TTN: variants seen among roughly 807,000 people sequenced by gnomAD.
TTN encodes connectin.
In TTN, 1,525 loss-of-function variants were observed where a neutral mutation model predicts 3,223.0. The observed-to-expected ratio is 0.47, with a 90% CI of 0.45 to 0.49. TTN has a LOEUF of 0.49. TTN is among the 20% of genes least tolerant of loss of function. The pLI, the probability that TTN is intolerant of heterozygous loss-of-function variation, is 0.00. For synonymous variants in TTN, 14,094 were observed against 15,161.0 expected, an observed-to-expected ratio of 0.93 and a Z score of 5.17; for missense variants, 40,786 against 43,424.0, an observed-to-expected ratio of 0.94 and a Z score of 5.40.
rs757475480 is a variant in TTN, at chr2:178,669,405, G to T, written c.35513C>A (p.Pro11838His). 1.3e-6 allele frequency: 2 copies of T among 1,521,352 alleles called. No homozygotes were observed. Among genetic ancestry groups the T allele is most frequent in the Non-Finnish European group, 1.7e-6 (2 of 1,146,910 alleles). The allele number at this position is 1,521,352 out of a possible 1,614,324, so 94.2% of individuals were successfully genotyped here. ...PKKSVQEEKS[P>H]IVISEDTEMY... ...CTCTGTGTCTTCAGAAATAACAATA[G>T]GTGATTTTTCTTCTTGAACACTTTT... Residue 11838 changes from proline (P) to histidine (H), a missense_variant, in exon 159 of 363, where the codon CCT becomes CAT. Transcript: ENST00000589042.
chr2:178,552,153 A>G lies in TTN; in HGVS notation c.90747T>C (p.Pro30249=), dbSNP rs765024828. ...TAATTTCTCCTCCTCCATTATCTTC[A>G]GGTACATCCCATGACAGGATGACAC... ...ADSVILSWDV[P]EDNGGGEITC... is the part of the protein sequence containing the mutation. The change falls in exon 335 of 363, where the codon CCT becomes CCC. Residue 30249 remains proline, a synonymous_variant. Transcript: ENST00000589042. 45 of 1,613,686 alleles carry G rather than the reference A, an allele frequency of 2.8e-5. No individual in the cohort carries two copies. Among genetic ancestry groups the G allele is most frequent in the Admixed American group, 5.0e-5 (3 of 59,972 alleles).
At position 178,738,146 on chromosome 2, in the gene TTN, C is replaced by T. The variant is rs773445915; in HGVS notation, c.14307G>A (p.Glu4769=). Residue 4769 remains glutamate (E), a synonymous_variant, in exon 49 of 363, where the codon GAG becomes GAA. Coordinates refer to ENST00000589042, the MANE Select transcript of TTN (RefSeq NM_001267550.2). ...ILRTQVVDCG[E]YTCKASNEYG... Reference sequence around the variant, plus strand: ...ACTCATTGGAAGCTTTGCATGTATACTCGCCGCAGTCAACCACCTGGGTTC... The same window carrying T: ...ACTCATTGGAAGCTTTGCATGTATATTCGCCGCAGTCAACCACCTGGGTTC... 10 of 1,613,804 alleles carry T rather than the reference C, an allele frequency of 6.2e-6. No individual in the cohort carries two copies. Among genetic ancestry groups the T allele is most frequent in the Admixed American group, 1.7e-5 (1 of 60,018 alleles).
chr2:178,587,453 C>T, intron 306 of TTN, 36 bp from the exon 307 acceptor site: 1 of 1,602,484 alleles, frequency 6.2e-7, no homozygotes, highest in South Asian at 1.1e-5. Context: ...TACATGTCTC[C>T]TCAGCATCCC....
chr2:178,653,015 T>G (rs2063365743), intron 199 of TTN, 26 bp downstream of exon 199: 1 of 1,611,634 alleles, frequency 6.2e-7, no homozygotes, highest in East Asian at 2.2e-5. Context: ...TTCAGTCTTC[T>G]GAAGCCTAAA....
Position 178,571,974 on chromosome 2 carries a change from G to A in TTN, c.74158C>T (p.Leu24720Phe). The change falls in exon 326 of 363, where the codon CTC (leucine) becomes TTC (phenylalanine). Residue 24720 changes from leucine (L) to phenylalanine (F), a missense_variant. Physicochemically the swap from Leu to Phe is conservative, Grantham distance 22. Transcript: ENST00000589042. ...AGTACAGTGAAAGTATTGAACAGGA[G>A]TTTGAAGGCTGGTGGAATGACAAGA... ...KDLVIPPAFKLLFNTFTVLAG... is the reference protein window; with the variant it reads ...KDLVIPPAFKFLFNTFTVLAG... 6.2e-7 allele frequency: 1 copy of A among 1,613,266 alleles called. No homozygotes were observed.
Position 178,718,590 on chromosome 2 carries a change from G to A in TTN, c.24516C>T (p.Thr8172=), listed in dbSNP as rs72648978. 0.1 allele frequency: 165,527 copies of A among 1,611,740 alleles called. 8,963 individuals are homozygous for A. The highest frequency in any genetic ancestry group is 0.11 in the Non-Finnish European group (131,461 of 1,178,416). Residue 8172 remains threonine, a synonymous_variant, in exon 85 of 363, where the codon ACC becomes ACT. Transcript: ENST00000589042. ...TTHLFVKEPA[T]FVKRLADFSV... ...TGAAATCAGCCAATCTTTTCACAAA[G>A]GTGGCTGGTTCTATAAGGAGAAAAC...
chr2:178,774,580 G>A, intron 29 of TTN, 107 bp from the exon 30 acceptor site: 2 of 1,044,094 alleles, frequency 1.9e-6, no homozygotes, highest in Non-Finnish European at 2.8e-6. Context: ...CATACTATCA[G>A]GTGTATTCTT....
rs1308116861 is a variant in TTN, at chr2:178,574,884, G to A, written c.71248C>T (p.Pro23750Ser). 1 of 1,612,756 alleles carries A rather than the reference G, an allele frequency of 6.2e-7. No homozygotes were observed. Among genetic ancestry groups the A allele is most frequent in the Non-Finnish European group, 8.5e-7 (1 of 1,179,428 alleles). ...SSDFVTFSWD[P>S]PENDGGVPIS... Reference sequence around the variant, plus strand: ...GGTACACCACCATCGTTCTCAGGTGGGTCCCAAGAGAAGGTTACAAAATCA... The same window carrying A: ...GGTACACCACCATCGTTCTCAGGTGAGTCCCAAGAGAAGGTTACAAAATCA... The change falls in exon 326 of 363, where the codon CCA becomes TCA. Residue 23750 changes from proline (P) to serine (S), a missense_variant. By Grantham distance (74) the Pro-to-Ser change is moderately conservative (BLOSUM62 -1). Coordinates refer to ENST00000589042, the MANE Select transcript of TTN (RefSeq NM_001267550.2).
intron 7 of TTN, 75 bp downstream of exon 7, chr2:178,794,847 T>C (rs1423733040): frequency 6.4e-7 from 1 of 1,564,888 alleles, no homozygotes; most frequent in South Asian, 1.1e-5. Context: ...TTATACAGAC[T>C]GAGTTTCATG....
intron 274 of TTN, 64 bp from the exon 275 acceptor site, chr2:178,608,541 C>G: frequency 2.6e-6 from 4 of 1,563,634 alleles, no homozygotes; most frequent in Non-Finnish European, 2.6e-6. Context: ...ATTTTAAAAG[C>G]TGTAGTAATT....
Position 178,616,903 on chromosome 2 carries a change from A to G in TTN, c.47986T>C (p.Trp15996Arg), listed in dbSNP as rs1324349099. Residue 15996 changes from tryptophan to arginine, a missense_variant, in exon 256 of 363, where the codon TGG becomes CGG. Coordinates refer to ENST00000589042, the MANE Select transcript of TTN (RefSeq NM_001267550.2). ...TCTAGTACTTTATCTCCAAAACACC[A>G]GGTTGCAGTTGGCCTTGGATAGCCT... The part of the protein sequence containing the change: ...STGYPRPTAT[W>R]CFGDKVLETG... 6.2e-7 allele frequency: 1 copy of G among 1,612,724 alleles called. No individual in the cohort carries two copies. The highest frequency in any genetic ancestry group is 8.5e-7 in the Non-Finnish European group (1 of 1,179,162).
chr2:178,579,516 C>T (rs372564977), intron 319 of TTN, 45 bp downstream of exon 319: 27 of 1,602,096 alleles, frequency 1.7e-5, no homozygotes, highest in African/African-American at 9.4e-5. Flanking sequence ...AGTGCACTTT[C>T]GATGACAATA....
At chr2:178,694,290 TA>T (rs2073160284) in intron 117 of TTN, among the ~76,000 whole-genome samples, 1 of 152,158 alleles carries the variant, frequency 6.6e-6, no homozygotes, top group South Asian at 2.1e-4. Context: ...TCTATTTCTA[TA>T]AATAAGAGGA....
chr2:178,636,402 T>C lies in TTN; in HGVS notation c.41325A>G (p.Val13775=). Residue 13775 remains valine, a synonymous_variant, in exon 225 of 363, where the codon GTA becomes GTG. Coordinates refer to ENST00000589042, the MANE Select transcript of TTN (RefSeq NM_001267550.2). The surrounding 1 kb of genome is among the most constrained non-coding windows in gnomAD (Gnocchi z 4.3). The stretch of plus-strand genomic sequence containing the variant: ...GTTCAGAAGACTAGAAATTACCTTC[T>C]ACAACAAGTTTAGCCGTGGAGGTCT... ...KEKTSTAKLV[V]EELPVRFVKT... is the part of the protein sequence containing the mutation. 3 of 1,602,198 alleles carry C rather than the reference T, an allele frequency of 1.9e-6. No individual in the cohort carries two copies. The highest frequency in any genetic ancestry group is 2.6e-6 in the Non-Finnish European group (3 of 1,173,608).
Position 178,640,033 on chromosome 2 carries a change from G to T in TTN, c.40786+15C>A, listed in dbSNP as rs187582271. The T allele has an allele frequency of 1.5e-4, 240 of 1,611,822 alleles. 1 individual carries two copies. In the African/African-American group the frequency reaches 2.8e-3, roughly 19 times the overall value. On this transcript the variant is annotated intron_variant, in intron 222 of 362. Coordinates refer to ENST00000589042, the MANE Select transcript of TTN (RefSeq NM_001267550.2). ...GAAAGAATATGCTGTTGACATTGAG[G>T]ATAAGCTTGCTCACCTGCTTCGGGC...
rs954173429 is a variant in TTN at position 178,723,219 on chromosome 2, C to T, written c.21788G>A (p.Trp7263Ter). The change falls in exon 75 of 363, where the codon TGG (tryptophan) becomes TAG (stop). Residue 7263 changes from tryptophan (W) to a stop codon, truncating the protein, a stop_gained. Transcript: ENST00000589042. LOFTEE classifies it high-confidence loss of function. ...AGTTATGTTAAAACCATCCTTTTTCCAAGTGACAGAAATTGGAAGTGTTCC... is the reference window on the plus strand; with the variant it reads ...AGTTATGTTAAAACCATCCTTTTTCTAAGTGACAGAAATTGGAAGTGTTCC... ...YTGTLPISVT[W>*]KKDGFNITTS... 1 of 1,613,436 alleles carries T rather than the reference C, an allele frequency of 6.2e-7. No homozygotes were observed. Among genetic ancestry groups the T allele is most frequent in the Non-Finnish European group, 8.5e-7 (1 of 1,179,634 alleles).
Position 178,593,091 on chromosome 2 carries a change from A to C in TTN, c.59036-8T>G. 1 of 1,610,992 alleles carries C rather than the reference A, an allele frequency of 6.2e-7. No individual in the cohort carries two copies. The highest frequency in any genetic ancestry group is 1.7e-4 in the Middle Eastern group (1 of 6,042). ...CAGGTGGACTTGGTTTAGCTAAAAA[A>C]TAAAAGTAAAAAACGAATTAGCATA... On this transcript the variant is annotated splice_region_variant and splice_polypyrimidine_tract_variant and intron_variant, in intron 299 of 362. Transcript: ENST00000589042.
rs1378606339 is a variant in TTN at position 178,722,389 on chromosome 2, C to G, written c.22398G>C (p.Gln7466His). 6.2e-7 allele frequency: 1 copy of G among 1,613,410 alleles called. No individual in the cohort carries two copies. Among genetic ancestry groups the G allele is most frequent in the South Asian group, 1.1e-5 (1 of 91,054 alleles). Residue 7466 changes from glutamine to histidine, a missense_variant, in exon 77 of 363, where the codon CAG becomes CAC. By Grantham distance (24) the Gln-to-His change is conservative. Transcript: ENST00000589042. ...GVLLRDDENL[Q>H]TSFVDNVATL... ...TTGCCACATTATCTACAAATGAAGT[C>G]TGTAGATTTTCATCGTCTCTTAAAA...
Position 178,557,142 on chromosome 2 carries a change from G to A in TTN, c.88012C>T (p.Pro29338Ser), listed in dbSNP as rs774162189. 3.2e-5 allele frequency: 52 copies of A among 1,613,282 alleles called. No individual in the cohort carries two copies. The highest frequency in any genetic ancestry group is 2.8e-5 in the Non-Finnish European group (33 of 1,179,682). ...EPVLAIDACE[P>S]PRNVRITDIS... is the part of the protein sequence containing the mutation. ...TCAGTGATACGAACATTTCTTGGGG[G>A]TTCTGTGGTAATAAGAGAAGCAGAT... The change falls in exon 330 of 363, where the codon CCC becomes TCC. Residue 29338 changes from proline to serine, a missense_variant and splice_region_variant. By Grantham distance (74) the Pro-to-Ser change is moderately conservative. Coordinates refer to ENST00000589042, the MANE Select transcript of TTN (RefSeq NM_001267550.2).
Sources: gnomAD v4.1 joint callset for allele counts (sites outside exome capture counted in the v4.1 genomes callset) on GRCh38, gnomAD v4.1.1 for gene constraint, Gnocchi (gnomAD v3.1) non-coding constraint, MANE v1.5 for transcripts, NCBI Gene and HGNC (gene_info 2026-07-23, HGNC 2026-07-21) for gene names.